Variants in SUMF1 observed in about 807,000 individuals in gnomAD.
SUMF1 encodes the protein sulfatase modifying factor 1.
SUMF1 carries 48 observed loss-of-function variants against 47.6 expected under a neutral mutation model. That is an observed-to-expected ratio of 1.01 (90% confidence interval 0.80 to 1.28). The LOEUF (loss-of-function observed/expected upper bound fraction) is 1.28, where lower values mean the gene tolerates loss of function less well. Among genes scored for constraint, SUMF1 ranks in the 50% most tolerant of loss-of-function variants. The pLI, the probability that SUMF1 is intolerant of heterozygous loss-of-function variation, is 0.00. For synonymous variants in SUMF1, 230 were observed against 192.1 expected, an observed-to-expected ratio of 1.20 and a Z score of -1.63; for missense variants, 571 against 485.4, an observed-to-expected ratio of 1.18 and a Z score of -1.66.
intron 8 of SUMF1, among the ~76,000 whole-genome samples, chr3:4,184,258 C>G (rs1281050164): frequency 2.0e-5 from 3 of 151,986 alleles, no homozygotes; most frequent in Non-Finnish European, 4.4e-5. Context: ...GAATCTGAGA[C>G]CAGCCTGGCC....
chr3:4,174,353 C>A (rs1574950524), intron 8 of SUMF1, among the ~76,000 whole-genome samples: 1 of 42,600 alleles, frequency 2.3e-5, no homozygotes, highest in Admixed American at 2.6e-4. Flanking sequence ...GAGACTCCGT[C>A]TCCAAAAAAA....
chr3:4,177,584 G>A (rs1694995004), intron 8 of SUMF1, among the ~76,000 whole-genome samples: 1 of 152,118 alleles, frequency 6.6e-6, no homozygotes, highest in Admixed American at 6.6e-5. Flanking sequence ...ACAAGAGAAA[G>A]CAGGAAAGAT....
intron 8 of SUMF1, among the ~76,000 whole-genome samples, chr3:4,261,308 T>C (rs1697080357): frequency 6.6e-6 from 1 of 152,082 alleles, no homozygotes; most frequent in African/African-American, 2.4e-5. Flanking sequence ...TAACATTTGG[T>C]TTAGGATAGA....
At chr3:4,295,384 A>G (rs1697829769) in intron 8 of SUMF1, among the ~76,000 whole-genome samples, 1 of 151,996 alleles carries the variant, frequency 6.6e-6, no homozygotes, top group African/African-American at 2.4e-5. Flanking sequence ...TTGCTCTAAA[A>G]TAGGACGCTT....
chr3:4,211,112 A>ATATATATATATATATG (rs1398760109), intron 8 of SUMF1, among the ~76,000 whole-genome samples: 2 of 134,928 alleles, frequency 1.5e-5, no homozygotes, highest in African/African-American at 5.8e-5. Flanking sequence ...CCATATATAT[A>ATATATATATATATATG]TATATATATA....
At chr3:4,074,565 A>G (rs953924168) in intron 8 of SUMF1, among the ~76,000 whole-genome samples, 1 of 152,126 alleles carries the variant, frequency 6.6e-6, no homozygotes, top group Non-Finnish European at 1.5e-5. Context: ...GGTTTTTTGG[A>G]AAGATCAACA....
intron 8 of SUMF1, among the ~76,000 whole-genome samples, chr3:4,363,678 AT>A (rs1699849260): frequency 6.7e-6 from 1 of 149,076 alleles, no homozygotes; most frequent in Non-Finnish European, 1.5e-5. Flanking sequence ...AACAGGGACA[AT>A]TTGACTTCCT....
At chr3:4,313,588 C>G (rs1698513097) in intron 8 of SUMF1, 1 of 1,613,962 alleles carries the variant, frequency 6.2e-7, no homozygotes, top group East Asian at 2.2e-5. Flanking sequence ...TCATGGGAAA[C>G]TAAGGAAACC....
chr3:4,222,563 C>A (rs1299716138), intron 8 of SUMF1, among the ~76,000 whole-genome samples: 1 of 152,032 alleles, frequency 6.6e-6, no homozygotes, highest in Non-Finnish European at 1.5e-5. Flanking sequence ...CTCCCCTCAG[C>A]AGCCCCCACA....
chr3:4,431,952 C>T (rs1210234010), intron 3 of SUMF1, among the ~76,000 whole-genome samples: 2 of 152,088 alleles, frequency 1.3e-5, no homozygotes, highest in Non-Finnish European at 2.9e-5. Context: ...ACAGATATCA[C>T]TTCCTGGTAG....
chr3:4,133,878 T>G (rs957303442), intron 8 of SUMF1, among the ~76,000 whole-genome samples: 9 of 152,134 alleles, frequency 5.9e-5, no homozygotes, highest in African/African-American at 2.2e-4. Flanking sequence ...ACTGCTAAAG[T>G]GGGGGCATTG....
intron 8 of SUMF1, among the ~76,000 whole-genome samples, chr3:4,141,409 G>T (rs972104164): frequency 6.6e-6 from 1 of 152,134 alleles, no homozygotes; most frequent in East Asian, 1.9e-4. Flanking sequence ...GGTTATAACT[G>T]TGCCAGTGCC....
At chr3:4,273,141 G>T (rs1575042261) in intron 8 of SUMF1, among the ~76,000 whole-genome samples, 1 of 148,064 alleles carries the variant, frequency 6.8e-6, no homozygotes, top group African/African-American at 2.5e-5. Flanking sequence ...TATATATATA[G>T]AATTTACCAT....
At chr3:4,227,921 G>C (rs2124978956) in intron 8 of SUMF1, among the ~76,000 whole-genome samples, 1 of 152,232 alleles carries the variant, frequency 6.6e-6, no homozygotes, top group East Asian at 1.9e-4. Flanking sequence ...TTATATTTGA[G>C]TGTGATGCTT....
At chr3:4,440,533 T>A (rs1702551850) in intron 3 of SUMF1, among the ~76,000 whole-genome samples, 1 of 152,176 alleles carries the variant, frequency 6.6e-6, no homozygotes, top group African/African-American at 2.4e-5. Context: ...TGTCGTGCAG[T>A]TGTGATTAAA....
At chr3:4,430,759 G>C (rs931525972) in intron 3 of SUMF1, among the ~76,000 whole-genome samples, 2 of 152,074 alleles carry the variant, frequency 1.3e-5, no homozygotes, top group Non-Finnish European at 1.5e-5. Flanking sequence ...TGAGCTATGG[G>C]AGCCAAAGGT....
intron 8 of SUMF1, among the ~76,000 whole-genome samples, chr3:4,228,616 T>C (rs182724209): frequency 1.3e-5 from 2 of 152,188 alleles, no homozygotes; most frequent in Admixed American, 6.5e-5. Flanking sequence ...TGATAGAAAA[T>C]GTGGTTACTG....
chr3:4,301,273 T>C (rs1413979223), intron 8 of SUMF1, among the ~76,000 whole-genome samples: 1 of 152,056 alleles, frequency 6.6e-6, no homozygotes, highest in Non-Finnish European at 1.5e-5. Context: ...GAATGGCTTT[T>C]TGAGGGAATG....
intron 8 of SUMF1, among the ~76,000 whole-genome samples, chr3:4,193,551 C>T (rs111905303): frequency 1.1e-3 from 170 of 152,052 alleles, no homozygotes; most frequent in African/African-American, 3.7e-3. Context: ...ACTCCATGTA[C>T]TCAGCATCAG....
Sources: allele counts gnomAD v4.1 joint callset (sites outside exome capture counted in the v4.1 genomes callset), GRCh38; gene constraint gnomAD v4.1.1; transcripts MANE v1.5; gene names NCBI Gene and HGNC (gene_info 2026-07-23, HGNC 2026-07-21).